TENM1: variants seen among roughly 807,000 people sequenced by gnomAD.
TENM1 encodes teneurin-1.
In TENM1, 35 loss-of-function variants were observed where a neutral mutation model predicts 174.8. That is an observed-to-expected ratio of 0.20 (90% CI 0.15 to 0.27). The LOEUF (loss-of-function observed/expected upper bound fraction) is 0.27, where lower values mean the gene tolerates loss of function less well. TENM1 is among the 10% of genes least tolerant of loss of function. TENM1 has a pLI of 1.00. For missense variants in TENM1, 1,633 were observed against 2,130.1 expected (o/e 0.77, Z 4.59); for synonymous variants, 781 against 798.7 (o/e 0.98, Z 0.37).
intron 6 of TENM1, among the ~76,000 whole-genome samples, chrX:124,656,025 A>G (rs1430719321): frequency 1.8e-5 from 2 of 112,343 alleles, no homozygotes; most frequent in African/African-American, 6.5e-5. Context: ...TTCAACTGCT[A>G]TCCTCATTAG....
chrX:124,404,906 A>G, intron 27 of TENM1, 125 bp downstream of exon 30: 1 of 600,792 alleles, frequency 1.7e-6, no homozygotes, highest in Admixed American at 3.0e-5. Context: ...AGTCACTTAG[A>G]AAAGCTTTGG....
At chrX:124,671,419 G>A (rs1190080796) in intron 6 of TENM1, among the ~76,000 whole-genome samples, 9 of 111,572 alleles carry the variant, frequency 8.1e-5, no homozygotes, top group Non-Finnish European at 1.5e-4. Flanking sequence ...AATTTCCATT[G>A]TATTGAAGCC....
Position 124,386,197 on chromosome X carries a change from AG to A in TENM1, c.5689-134del, listed in dbSNP as rs1261274367. 13 of 548,884 alleles carry A rather than the reference AG, an allele frequency of 2.4e-5. No homozygotes were observed. The East Asian group carries it at 4.6e-4, about 20-fold the overall frequency. The allele number at this position is 548,884 out of a possible 1,213,427, so 45.2% of individuals were successfully genotyped here. A position where few individuals can be genotyped will look rare whatever the true frequency, so the allele number is the denominator to read the frequency against. On this transcript the variant is annotated intron_variant, in intron 28 of 31. Coordinates refer to ENST00000422452, the Ensembl canonical transcript of TENM1. ...TGTGCCAGACACTGTGGCAAACCCT[AG>A]TGGATACAGTAGTGCACAATAGTGG...
chrX:124,423,451 C>G lies in TENM1; in HGVS notation c.4105-813G>C, dbSNP rs138919611. On this transcript the variant is annotated intron_variant, in intron 23 of 31. Coordinates refer to ENST00000422452, the Ensembl canonical transcript of TENM1. ...AAAATGACTACGACACGGCCTCTGT[C>G]CTCAAATGATTTGTGGTATAGTAGA... 6.5e-3 allele frequency among the ~76,000 whole-genome samples: 727 copies of G among 111,498 alleles called. 4 individuals carry two copies. The highest frequency in any genetic ancestry group is 0.022 in the African/African-American group (675 of 30,655).
At chrX:124,505,167 C>T (rs1282987592) in intron 18 of TENM1, among the ~76,000 whole-genome samples, 1 of 112,345 alleles carries the variant, frequency 8.9e-6, no homozygotes, top group African/African-American at 3.2e-5. Context: ...ACAAGAGGCT[C>T]TGTATTTCCG....
intron 7 of TENM1, among the ~76,000 whole-genome samples, chrX:124,652,712 A>G (rs1408042946): frequency 8.9e-6 from 1 of 111,953 alleles, no homozygotes; most frequent in Non-Finnish European, 1.9e-5. Context: ...GAGAACATTC[A>G]TCATAATTTA....
At chrX:125,047,100 T>C in the TENM1 span, among the ~76,000 whole-genome samples, 1 of 111,086 alleles carries the variant, frequency 9.0e-6, no homozygotes, top group East Asian at 2.8e-4. Flanking sequence ...ACAAACTGAC[T>C]TCGATAAAAT....
At chrX:125,063,678 A>C in the TENM1 span, among the ~76,000 whole-genome samples, 2 of 111,754 alleles carry the variant, frequency 1.8e-5, no homozygotes, top group Non-Finnish European at 3.8e-5. Flanking sequence ...GCTAGAGAGG[A>C]TGTGGAGAAA....
chrX:124,713,547 C>T (rs948654689), intron 4 of TENM1, among the ~76,000 whole-genome samples: 6 of 112,347 alleles, frequency 5.3e-5, no homozygotes, highest in East Asian at 2.8e-4. Context: ...GGATTACAGG[C>T]GTGAGCCACC....
intron 1 of TENM1, among the ~76,000 whole-genome samples, chrX:124,913,476 T>C (rs768359398): frequency 8.9e-6 from 1 of 111,857 alleles, no homozygotes; most frequent in East Asian, 2.8e-4. Context: ...TAATGACCAA[T>C]ATATGGTACA....
chrX:124,940,011 A>G (rs1362259397), intron 1 of TENM1, among the ~76,000 whole-genome samples: 1 of 112,159 alleles, frequency 8.9e-6, no homozygotes, highest in Non-Finnish European at 1.9e-5. Context: ...TGTTTTTCAC[A>G]ACTCTATCCC....
intron 3 of TENM1, among the ~76,000 whole-genome samples, chrX:124,738,208 G>T (rs1249272294): frequency 9.0e-6 from 1 of 111,559 alleles, no homozygotes; most frequent in Non-Finnish European, 1.9e-5. Flanking sequence ...GGACAGCATG[G>T]CCTTGTCCCA....
At chrX:124,524,711 T>C (rs1328828958) in intron 16 of TENM1, among the ~76,000 whole-genome samples, 1 of 112,060 alleles carries the variant, frequency 8.9e-6, no homozygotes, top group African/African-American at 3.2e-5. Context: ...CAGCTCTGTC[T>C]ATCTCTAGAT....
At chrX:125,032,054 G>T in the TENM1 span, among the ~76,000 whole-genome samples, 1 of 111,732 alleles carries the variant, frequency 8.9e-6, no homozygotes, top group East Asian at 2.8e-4. Flanking sequence ...ACAAACAAGA[G>T]ATTGAGATGG....
chrX:124,875,873 C>CAAAAAAA (rs60294401), intron 3 of TENM1, among the ~76,000 whole-genome samples: 1 of 56,807 alleles, frequency 1.8e-5, no homozygotes, highest in African/African-American at 6.4e-5. Context: ...GAGACTGTCT[C>CAAAAAAA]AAAAAAAAAA....
chrX:124,386,805 C>A (rs1443778266), intron 28 of TENM1, among the ~76,000 whole-genome samples: 1 of 109,466 alleles, frequency 9.1e-6, no homozygotes, highest in Non-Finnish European at 1.9e-5. Flanking sequence ...GCCTCGAACT[C>A]CTGAGCTTAG....
intron 3 of TENM1, among the ~76,000 whole-genome samples, chrX:124,779,651 T>C (rs1405885187): frequency 9.0e-6 from 1 of 111,656 alleles, no homozygotes; most frequent in East Asian, 2.8e-4. Flanking sequence ...GTTTTAAAAC[T>C]GTTATATGCA....
intron 3 of TENM1, among the ~76,000 whole-genome samples, chrX:124,748,349 T>C (rs978946662): frequency 4.5e-5 from 5 of 110,238 alleles, no homozygotes; most frequent in African/African-American, 1.6e-4. Flanking sequence ...TATACAGATA[T>C]ATATATAGAG....
chrX:125,098,781 G>A, the TENM1 span, among the ~76,000 whole-genome samples: 1 of 111,690 alleles, frequency 9.0e-6, no homozygotes, highest in Admixed American at 9.5e-5. Flanking sequence ...CATCCAATTC[G>A]TGTACAGGGT....
Sources: allele counts gnomAD v4.1 joint callset (sites outside exome capture counted in the v4.1 genomes callset), GRCh38; gene constraint gnomAD v4.1.1; transcripts MANE v1.5; gene names NCBI Gene and HGNC (gene_info 2026-07-23, HGNC 2026-07-21).